MMP26: variants seen among roughly 807,000 people sequenced by gnomAD.
MMP26 encodes the protein matrix metallopeptidase 26.
In MMP26, 33 loss-of-function variants were observed where a neutral mutation model predicts 31.0. The observed-to-expected ratio is 1.06, with a 90% CI of 0.81 to 1.42. The LOEUF (loss-of-function observed/expected upper bound fraction) is 1.42. Ranked by LOEUF, MMP26 falls within the 40% of genes most tolerant of loss-of-function variation. The probability of loss-of-function intolerance (pLI) is 0.00; values close to 1 mark genes in which losing one functional copy is unlikely to be tolerated. For missense variants in MMP26, 347 were observed against 316.1 expected, an observed-to-expected ratio of 1.10 and a Z score of -0.74; for synonymous variants, 122 against 114.9, an observed-to-expected ratio of 1.06 and a Z score of -0.40.
intron 1 of MMP26, among the ~76,000 whole-genome samples, chr11:4,714,529 C>A (rs1390444722): frequency 1.3e-5 from 2 of 152,274 alleles, no homozygotes; most frequent in Middle Eastern, 3.4e-3. Context: ...ACACACTGGT[C>A]AGCATATTAT....
chr11:4,804,482 C>A, intron 2 of MMP26: 1 of 874,306 alleles, frequency 1.1e-6, no homozygotes, highest in Non-Finnish European at 2.0e-6. Context: ...TTGGATGGGA[C>A]TATTGGATAC....
At chr11:4,709,305 T>A (rs1043160387) in intron 1 of MMP26, among the ~76,000 whole-genome samples, 5 of 152,160 alleles carry the variant, frequency 3.3e-5, no homozygotes, top group African/African-American at 1.2e-4. Context: ...TATATAAGTA[T>A]CCTGAAGCCT....
chr11:4,932,305 C>G (rs111937988), intron 2 of MMP26, among the ~76,000 whole-genome samples: 2,838 of 152,224 alleles, frequency 0.019, 35 homozygotes, highest in Middle Eastern at 0.037. Context: ...TATTTCTCTT[C>G]CTTTGAATCT....
At chr11:4,953,557 A>G (rs1417814645) in intron 2 of MMP26, among the ~76,000 whole-genome samples, 2 of 125,740 alleles carry the variant, frequency 1.6e-5, no homozygotes, top group African/African-American at 5.4e-5. Context: ...GCCAACATTT[A>G]AAGAAAAAAG....
At chr11:4,914,584 A>C (rs746088869) in intron 2 of MMP26, 2 of 643,260 alleles carry the variant, frequency 3.1e-6, no homozygotes, top group Non-Finnish European at 5.4e-6. Flanking sequence ...AGGGTTCTGT[A>C]AGGACTGTAA....
chr11:4,731,795 G>A (rs549739753), intron 1 of MMP26, among the ~76,000 whole-genome samples: 40 of 152,228 alleles, frequency 2.6e-4, no homozygotes, highest in South Asian at 4.2e-4. Context: ...GGGATTCTTC[G>A]CTGTATTTAA....
intron 2 of MMP26, among the ~76,000 whole-genome samples, chr11:4,970,148 AC>A (rs1191575636): frequency 6.6e-6 from 1 of 152,148 alleles, no homozygotes; most frequent in Middle Eastern, 3.2e-3. Context: ...AATACAAAAA[AC>A]TCACTGGTTT....
At chr11:4,937,906 C>T (rs997099247) in intron 2 of MMP26, 1 of 152,224 alleles carries the variant, frequency 6.6e-6, no homozygotes, top group Non-Finnish European at 1.5e-5. Context: ...TCTCAAAGGA[C>T]TGTGGATTGC....
chr11:4,774,529 C>T (rs1369235117), intron 2 of MMP26, among the ~76,000 whole-genome samples: 2 of 152,050 alleles, frequency 1.3e-5, no homozygotes, highest in Admixed American at 6.6e-5. Context: ...GGATATTAGG[C>T]CTTTGTTGGA....
At chr11:4,770,913 G>A (rs761743294) in intron 2 of MMP26, among the ~76,000 whole-genome samples, 1 of 151,930 alleles carries the variant, frequency 6.6e-6, no homozygotes, top group Non-Finnish European at 1.5e-5. Context: ...AATTGCTTGC[G>A]CTGTGAAGCC....
chr11:4,800,087 G>A lies in MMP26; in HGVS notation c.-145+32746G>A, dbSNP rs939851043. On this transcript the variant is annotated intron_variant, in intron 2 of 7. Transcript: ENST00000380390. ...CTATTCTGGGATCTGGAGGGCAGTG[G>A]CCCCCCTTCCACAGGTCCACTAGTC... Among the ~76,000 whole-genome samples, 8 of 152,228 alleles carry A rather than the reference G, an allele frequency of 5.3e-5. No individual in the cohort carries two copies. In the East Asian group the frequency reaches 1.2e-3, roughly 22 times the overall value.
chr11:4,806,473 G>T, intron 2 of MMP26, among the ~76,000 whole-genome samples: 1 of 152,154 alleles, frequency 6.6e-6, no homozygotes, highest in East Asian at 1.9e-4. Context: ...TTACCATTAT[G>T]TAATGGGCTT....
At chr11:4,810,995 C>T (rs1299338975) in intron 2 of MMP26, among the ~76,000 whole-genome samples, 1 of 152,106 alleles carries the variant, frequency 6.6e-6, no homozygotes, top group Non-Finnish European at 1.5e-5. Context: ...ATCAGGTTTA[C>T]ATCAATATGT....
chr11:4,830,696 A>AT (rs1478543523), intron 2 of MMP26, among the ~76,000 whole-genome samples: 8 of 152,206 alleles, frequency 5.3e-5, no homozygotes, highest in African/African-American at 1.9e-4. Flanking sequence ...GCTGTTAGCC[A>AT]TACCATTGGA....
At chr11:4,765,479 C>G (rs1848617589) in intron 1 of MMP26, among the ~76,000 whole-genome samples, 2 of 152,210 alleles carry the variant, frequency 1.3e-5, no homozygotes, top group Non-Finnish European at 2.9e-5. Flanking sequence ...TTGTTGGCTG[C>G]TTGTCTGTTT....
At chr11:4,715,284 A>C (rs1847913894) in intron 1 of MMP26, among the ~76,000 whole-genome samples, 1 of 151,996 alleles carries the variant, frequency 6.6e-6, no homozygotes, top group Non-Finnish European at 1.5e-5. Flanking sequence ...TAGATGCATA[A>C]ATATAAAAGA....
chr11:4,966,182 G>A (rs554806464), intron 2 of MMP26, among the ~76,000 whole-genome samples: 8 of 152,274 alleles, frequency 5.3e-5, no homozygotes, highest in African/African-American at 1.9e-4. Context: ...CTACTACAGT[G>A]TGCTCTTACA....
At chr11:4,769,846 AGACT>A in intron 2 of MMP26, 1 of 1,613,310 alleles carries the variant, frequency 6.2e-7, no homozygotes, top group East Asian at 2.2e-5. Context: ...AGACATGGGC[AGACT>A]CTAGGCCAGG....
At chr11:4,956,813 T>A (rs573475081) in intron 2 of MMP26, among the ~76,000 whole-genome samples, 1 of 152,324 alleles carries the variant, frequency 6.6e-6, no homozygotes, top group African/African-American at 2.4e-5. Context: ...AATAAGCCTT[T>A]AAGAATTTGC....
Sources: gnomAD v4.1 joint callset for allele counts (sites outside exome capture counted in the v4.1 genomes callset) on GRCh38, gnomAD v4.1.1 for gene constraint, MANE v1.5 for transcripts, NCBI Gene and HGNC (gene_info 2026-07-23, HGNC 2026-07-21) for gene names.